Variants in CSDE1 observed in about 807,000 individuals in gnomAD.
CSDE1 encodes the protein cold shock domain-containing protein E1.
Under a neutral mutation model 89.3 loss-of-function variants are expected in CSDE1, and 17 were observed. The observed-to-expected ratio is 0.19, with a 90% CI of 0.13 to 0.29. The LOEUF is 0.29. Among genes scored for constraint, CSDE1 ranks in the 10% least tolerant of loss-of-function variants. The probability of loss-of-function intolerance (pLI) is 1.00; values close to 1 mark genes in which losing one functional copy is unlikely to be tolerated. For synonymous variants in CSDE1, 322 were observed against 332.8 expected, an observed-to-expected ratio of 0.97 and a Z score of 0.35; for missense variants, 672 against 984.2, an observed-to-expected ratio of 0.68 and a Z score of 4.24.
At chr1:114,725,148 A>G in intron 15 of CSDE1, 73 bp downstream of exon 15, 1 of 1,136,248 alleles carries the variant, frequency 8.8e-7, no homozygotes, top group Non-Finnish European at 1.3e-6. Context: ...ATTAGGCCTC[A>G]TCTCCCTCTA....
chr1:114,740,763 A>G (rs989021218), intron 2 of CSDE1, among the ~76,000 whole-genome samples: 2 of 152,210 alleles, frequency 1.3e-5, no homozygotes, highest in African/African-American at 4.8e-5. Context: ...GTGAAGCACA[A>G]AACAGGACGA....
rs1659284112 is a variant in CSDE1, at chr1:114,718,026, G to A, written c.*143C>T. ...TTTATTTTTTTAAACATAACACGAG[G>A]AAGGTGTTAAAACTGGTGTAATAGC... On this transcript the variant is annotated 3_prime_UTR_variant, in exon 20 of 20. Transcript: ENST00000358528. The A allele has an allele frequency of 1.4e-6, 1 of 723,792 alleles. No homozygotes were observed. Among genetic ancestry groups the A allele is most frequent in the African/African-American group, 1.8e-5 (1 of 56,084 alleles). The allele number at this position is 723,792 out of a possible 1,614,324, so 44.8% of individuals were successfully genotyped here.
Position 114,750,179 on chromosome 1 carries a change from T to A in CSDE1, c.-359A>T, listed in dbSNP as rs2101085110. ...CTGAACTTGAAGCAGCAGTTTCAGG[T>A]GGTAAAGTCTGTTCTGTTACACTTC... On this transcript the variant is annotated 5_prime_UTR_variant, in exon 2 of 20. Coordinates refer to ENST00000358528, the MANE Select transcript of CSDE1 (RefSeq NM_001007553.3). 1 of 152,714 alleles carries A rather than the reference T, an allele frequency of 6.5e-6. No homozygotes were observed. The highest frequency in any genetic ancestry group is 1.5e-5 in the Non-Finnish European group (1 of 68,022). 9.5% of individuals were successfully genotyped at this position (152,714 alleles called of 1,614,324 possible).
At chr1:114,739,644 A>G (rs1558002295) in intron 3 of CSDE1, 48 bp downstream of exon 3, 1 of 1,522,808 alleles carries the variant, frequency 6.6e-7, no homozygotes, top group Non-Finnish European at 9.1e-7. Flanking sequence ...TTGATATGCA[A>G]GACAAATTTT....
chr1:114,730,532 A>G lies in CSDE1; in HGVS notation c.1167T>C (p.Asp389=). ...CAGGAACCACAGTAAACTCTACTTC[A>G]TCTGCAATATGGAGCTGGTTCCCAT... The part of the protein sequence containing the change: ...ILDGNQLHIA[D]EVEFTVVPDM... The change falls in exon 11 of 20, where the codon GAT becomes GAC. Residue 389 remains aspartate, a synonymous_variant. Coordinates refer to ENST00000358528, the MANE Select transcript of CSDE1 (RefSeq NM_001007553.3). 1 of 1,614,128 alleles carries G rather than the reference A, an allele frequency of 6.2e-7. No homozygotes were observed. Among genetic ancestry groups the G allele is most frequent in the Non-Finnish European group, 8.5e-7 (1 of 1,180,018 alleles).
chr1:114,739,986 ACGC>A, intron 2 of CSDE1, 96 bp from the exon 3 acceptor site: 3 of 1,048,288 alleles, frequency 2.9e-6, no homozygotes, highest in Non-Finnish European at 2.8e-6. Context: ...CCATATAAAA[ACGC>A]AAAAAAAAGT....
rs1659279670 is a variant in CSDE1 at position 114,717,960 on chromosome 1, G to C, written c.*209C>G. The C allele has an allele frequency of 1.9e-6, 1 of 536,164 alleles. No homozygotes were observed. The highest frequency in any genetic ancestry group is 3.2e-6 in the Non-Finnish European group (1 of 309,242). The allele number at this position is 536,164 out of a possible 1,614,324, so 33.2% of individuals were successfully genotyped here. On this transcript the variant is annotated 3_prime_UTR_variant, in exon 20 of 20. Coordinates refer to ENST00000358528, the MANE Select transcript of CSDE1 (RefSeq NM_001007553.3). ...AAGGCGCCACCTTAAGTTTTTCCAG[G>C]CTGCAACTGTGCATTATTTAAAATG...
At chr1:114,735,329 G>A (rs759734477) in intron 6 of CSDE1, among the ~76,000 whole-genome samples, 24 of 152,092 alleles carry the variant, frequency 1.6e-4, no homozygotes, top group Non-Finnish European at 3.2e-4. Context: ...AACCCAAAAT[G>A]TGCTTTTTAT....
At chr1:114,731,101 C>T (rs1039113270) in intron 10 of CSDE1, among the ~76,000 whole-genome samples, 2 of 151,296 alleles carry the variant, frequency 1.3e-5, no homozygotes, top group Admixed American at 6.6e-5. Context: ...TATATGCAAT[C>T]TTTTCTCTTT....
rs1419701344 is a variant in CSDE1 at position 114,750,021 on chromosome 1, G to A, written c.-201C>T. On this transcript the variant is annotated 5_prime_UTR_variant, in exon 2 of 20. Coordinates refer to ENST00000358528, the MANE Select transcript of CSDE1 (RefSeq NM_001007553.3). ...CTGAAGAAAACAAAGACTACTAGCA[G>A]CGTTGGGAAGTGCTCTTTCAAAGCT... 6.5e-6 allele frequency: 1 copy of A among 152,674 alleles called. No homozygotes were observed. The highest frequency in any genetic ancestry group is 1.5e-5 in the Non-Finnish European group (1 of 68,052). 9.5% of individuals were successfully genotyped at this position (152,674 alleles called of 1,614,324 possible). A position where few individuals can be genotyped will look rare whatever the true frequency, so the allele number is the denominator to read the frequency against.
intron 1 of CSDE1, among the ~76,000 whole-genome samples, chr1:114,754,578 T>C (rs1466146017): frequency 6.6e-6 from 1 of 152,166 alleles, no homozygotes; most frequent in Non-Finnish European, 1.5e-5. Context: ...AAGACCCAAA[T>C]AGGTAGCATA....
chr1:114,757,950 A>G lies in CSDE1; in HGVS notation c.-413T>C. ...CCCAACAGCTCAGCGCCCCCTCTCC[A>G]GCGCCGCCATAAGCAGCACGGCCCG... is the stretch of plus-strand genomic sequence containing the variant. On this transcript the variant is annotated 5_prime_UTR_variant, in exon 1 of 20. Coordinates refer to ENST00000358528, the MANE Select transcript of CSDE1 (RefSeq NM_001007553.3). 6.5e-6 allele frequency: 1 copy of G among 152,876 alleles called. No individual in the cohort carries two copies. Among genetic ancestry groups the G allele is most frequent in the Non-Finnish European group, 1.5e-5 (1 of 68,208 alleles). 9.5% of individuals were successfully genotyped at this position (152,876 alleles called of 1,614,324 possible).
chr1:114,748,974 A>T (rs1191172131), intron 2 of CSDE1, among the ~76,000 whole-genome samples: 3 of 152,188 alleles, frequency 2.0e-5, no homozygotes, highest in African/African-American at 7.2e-5. Context: ...AGCCTCCAGC[A>T]AACTTCCCTT....
At chr1:114,730,812 T>C (rs1660056914) in intron 10 of CSDE1, among the ~76,000 whole-genome samples, 164 bp from the exon 11 acceptor site, 1 of 152,238 alleles carries the variant, frequency 6.6e-6, no homozygotes, top group African/African-American at 2.4e-5. Flanking sequence ...ACTCATTGCT[T>C]TCAACAAAGT....
chr1:114,718,840 G>T (rs1275875152), intron 18 of CSDE1, 95 bp from the exon 19 acceptor site: 21 of 1,392,028 alleles, frequency 1.5e-5, no homozygotes, highest in Non-Finnish European at 2.1e-5. Flanking sequence ...CTGCCCAAAT[G>T]ACTCACTTTT....
chr1:114,725,281 T>C lies in CSDE1; in HGVS notation c.1693A>G (p.Ser565Gly). The change falls in exon 15 of 20, where the codon AGC becomes GGC. Residue 565 changes from serine to glycine, a missense_variant. This residue lies in a region of CSDE1 where 206 missense variants were observed against 332.4 expected (regional missense o/e 0.62). Coordinates refer to ENST00000358528, the MANE Select transcript of CSDE1 (RefSeq NM_001007553.3). ...TTGTTGCCTTTGCCTTTGGACAAGC[T>C]ATACTCGACCATGTCCCCCAGTTCC... ...SLELGDMVEY[S>G]LSKGKGNKVS... The C allele has an allele frequency of 6.2e-7, 1 of 1,614,180 alleles. No homozygotes were observed. Among genetic ancestry groups the C allele is most frequent in the Non-Finnish European group, 8.5e-7 (1 of 1,180,016 alleles).
rs1008426254 is a variant in CSDE1, at chr1:114,725,181, C to T, written c.1753+40G>A. On this transcript the variant is annotated intron_variant, in intron 15 of 19. Coordinates refer to ENST00000358528, the MANE Select transcript of CSDE1 (RefSeq NM_001007553.3). ...CTACTACTCCATCCTTTATCTCCCACTTAAAAGCACAGGCTGAATAAGAAG... is the reference window on the plus strand; with the variant it reads ...CTACTACTCCATCCTTTATCTCCCATTTAAAAGCACAGGCTGAATAAGAAG... The T allele has an allele frequency of 8.5e-6, 13 of 1,528,230 alleles. No homozygotes were observed. In the African/African-American group the frequency reaches 1.8e-4, roughly 21 times the overall value. 94.7% of individuals were successfully genotyped at this position (1,528,230 alleles called of 1,614,324 possible). A position where few individuals can be genotyped will look rare whatever the true frequency, so the allele number is the denominator to read the frequency against.
intron 2 of CSDE1, among the ~76,000 whole-genome samples, chr1:114,743,200 T>A (rs1660826798): frequency 6.6e-6 from 1 of 152,144 alleles, no homozygotes; most frequent in Non-Finnish European, 1.5e-5. Context: ...CAGGCTGAAT[T>A]AATTTATTTT....
At chr1:114,745,354 T>C (rs968627779) in intron 2 of CSDE1, among the ~76,000 whole-genome samples, 10 of 152,218 alleles carry the variant, frequency 6.6e-5, no homozygotes, top group African/African-American at 2.4e-4. Flanking sequence ...CAAGACGTCA[T>C]TGTAACTTAT....
Sources: allele counts gnomAD v4.1 joint callset (sites outside exome capture counted in the v4.1 genomes callset), GRCh38; gene constraint gnomAD v4.1.1; regional missense constraint gnomAD v4.1.1; transcripts MANE v1.5; gene names NCBI Gene and HGNC (gene_info 2026-07-23, HGNC 2026-07-21).